ATE1: variants seen among roughly 807,000 people sequenced by gnomAD.
The protein encoded by ATE1 is arginyltransferase 1, also known as arginyl-tRNA--protein transferase 1.
In ATE1, 36 loss-of-function variants were observed where a neutral mutation model predicts 70.5. That is an observed-to-expected ratio of 0.51 (90% CI 0.39 to 0.67). ATE1 has a LOEUF of 0.67. Ranked by LOEUF, ATE1 falls within the 30% of genes least tolerant of loss-of-function variation. ATE1 has a pLI of 0.00. For synonymous variants in ATE1, 232 were observed against 219.3 expected (o/e 1.06, Z -0.51); for missense variants, 593 against 629.5 (o/e 0.94, Z 0.62).
At chr10:121,761,598 A>G (rs1229534584) in intron 11 of ATE1, among the ~76,000 whole-genome samples, 5 of 152,160 alleles carry the variant, frequency 3.3e-5, no homozygotes. Context: ...AGCAGAACAC[A>G]TAATATCTCT....
chr10:121,920,238 C>T (rs1319459075), intron 3 of ATE1, among the ~76,000 whole-genome samples: 3 of 152,008 alleles, frequency 2.0e-5, no homozygotes, highest in Non-Finnish European at 4.4e-5. Flanking sequence ...ATAATCCCAG[C>T]ACTTTGGGAG....
At chr10:121,747,817 T>G (rs187443117) in intron 11 of ATE1, among the ~76,000 whole-genome samples, 1 of 152,356 alleles carries the variant, frequency 6.6e-6, no homozygotes, top group East Asian at 1.9e-4. Context: ...ATGTTTAACA[T>G]GTCCTAGGTT....
intron 11 of ATE1, among the ~76,000 whole-genome samples, chr10:121,750,735 A>G (rs1944546250): frequency 6.6e-6 from 1 of 152,250 alleles, no homozygotes; most frequent in Admixed American, 6.5e-5. Context: ...ATTTACTGCT[A>G]CATACAGCAT....
At chr10:121,764,289 A>G (rs1398374394) in intron 11 of ATE1, among the ~76,000 whole-genome samples, 1 of 152,142 alleles carries the variant, frequency 6.6e-6, no homozygotes, top group African/African-American at 2.4e-5. Flanking sequence ...AGAATGTTCT[A>G]CACTACACCT....
chr10:121,860,129 G>A (rs943097896), intron 8 of ATE1, among the ~76,000 whole-genome samples: 3 of 152,120 alleles, frequency 2.0e-5, no homozygotes, highest in African/African-American at 4.8e-5. Context: ...ATGAGAAAAC[G>A]CTATAATACG....
At chr10:121,899,240 G>C (rs1950889939) in intron 7 of ATE1, among the ~76,000 whole-genome samples, 1 of 151,872 alleles carries the variant, frequency 6.6e-6, no homozygotes, top group Non-Finnish European at 1.5e-5. Context: ...GCATAAACTA[G>C]AGTCAATATT....
chr10:121,922,257 G>A, intron 3 of ATE1, 92 bp downstream of exon 3: 2 of 868,450 alleles, frequency 2.3e-6, no homozygotes, highest in Non-Finnish European at 3.7e-6. Context: ...ACCTAGAGCG[G>A]AAATAAACAT....
rs1211875150 is a variant in ATE1, at chr10:121,927,702, G to C, written c.106+142C>G. 6 of 1,326,194 alleles carry C rather than the reference G, an allele frequency of 4.5e-6. No homozygotes were observed. In the East Asian group the frequency reaches 1.9e-4, roughly 42 times the overall value. The allele number at this position is 1,326,194 out of a possible 1,614,324, so 82.2% of individuals were successfully genotyped here. A position where few individuals can be genotyped will look rare whatever the true frequency, so the allele number is the denominator to read the frequency against. On this transcript the variant is annotated intron_variant, in intron 1 of 11. Transcript: ENST00000224652. Reference sequence around the variant, plus strand: ...AGCTGCCCCGCTAAGCCGGCGCCGCGGCCCTCCCGAGAGTGCCCCCTCCGT... The same window carrying C: ...AGCTGCCCCGCTAAGCCGGCGCCGCCGCCCTCCCGAGAGTGCCCCCTCCGT...
At chr10:121,857,214 C>T (rs1252103417) in intron 8 of ATE1, among the ~76,000 whole-genome samples, 1 of 152,074 alleles carries the variant, frequency 6.6e-6, no homozygotes, top group East Asian at 1.9e-4. Flanking sequence ...GTCCCAACAC[C>T]CAGGTAGTTA....
chr10:121,811,694 A>G (rs1180030374), intron 10 of ATE1, among the ~76,000 whole-genome samples: 1 of 152,190 alleles, frequency 6.6e-6, no homozygotes, highest in African/African-American at 2.4e-5. Context: ...ACTGACCCTA[A>G]AAAAGAATTC....
At position 121,927,876 on chromosome 10, in the gene ATE1, T is replaced by G; in HGVS notation, c.74A>C (p.Tyr25Ser). ...GCGGCTGCCCGACTCGTTCTTGCAG[T>G]AGCCGCAGCGGTAGAAGTCCTCGCT... Reference protein sequence around the residue: ...FPSEDFYRCGYCKNESGSRSN... With the variant: ...FPSEDFYRCGSCKNESGSRSN... The change falls in exon 1 of 12, where the codon TAC (tyrosine) becomes TCC (serine). Residue 25 changes from tyrosine to serine, a missense_variant. Tyr to Ser is a moderately radical substitution (Grantham distance 144). Around this residue, in one of 3 missense-constraint regions of ATE1, gnomAD observed 467 missense variants for 469.6 expected, o/e 0.99. Coordinates refer to ENST00000224652, the MANE Select transcript of ATE1 (RefSeq NM_001001976.3). The G allele has an allele frequency of 6.3e-7, 1 of 1,587,344 alleles. No individual in the cohort carries two copies.
At chr10:121,798,642 G>GT (rs1216757419) in intron 10 of ATE1, among the ~76,000 whole-genome samples, 4 of 152,346 alleles carry the variant, frequency 2.6e-5, no homozygotes, top group Admixed American at 6.5e-5. Context: ...GCTCACGCCT[G>GT]TAATCCCAGC....
intron 11 of ATE1, among the ~76,000 whole-genome samples, chr10:121,777,241 C>G (rs554229672): frequency 4.3e-4 from 66 of 152,320 alleles, no homozygotes; most frequent in African/African-American, 1.6e-3. Context: ...AGCGTTCATG[C>G]TCCAGTTACC....
chr10:121,828,243 G>A (rs1948103456), intron 10 of ATE1, among the ~76,000 whole-genome samples: 1 of 152,196 alleles, frequency 6.6e-6, no homozygotes, highest in Admixed American at 6.5e-5. Context: ...ACATGAGTGT[G>A]CACAGCAAAA....
chr10:121,797,374 TG>T (rs1447319347), intron 10 of ATE1, among the ~76,000 whole-genome samples: 1 of 152,176 alleles, frequency 6.6e-6, no homozygotes, highest in Non-Finnish European at 1.5e-5. Flanking sequence ...CCTTTTAAAT[TG>T]TACAATTCAG....
At chr10:121,926,776 G>A (rs1035328890) in intron 1 of ATE1, 1 of 985,278 alleles carries the variant, frequency 1.0e-6, no homozygotes, top group Non-Finnish European at 1.2e-6. Flanking sequence ...CTTCCTTTCA[G>A]AACTGTAATC....
At chr10:121,776,757 T>C (rs1034019149) in intron 11 of ATE1, among the ~76,000 whole-genome samples, 2 of 152,290 alleles carry the variant, frequency 1.3e-5, no homozygotes, top group African/African-American at 2.4e-5. Context: ...TGTGCACAGA[T>C]ACATGAAAGT....
chr10:121,879,362 C>T (rs1236336769), intron 7 of ATE1, among the ~76,000 whole-genome samples: 1 of 152,168 alleles, frequency 6.6e-6, no homozygotes, highest in Non-Finnish European at 1.5e-5. Context: ...TTCCACCACG[C>T]TGTCCCTCAC....
At chr10:121,909,250 C>A (rs927972698) in intron 5 of ATE1, among the ~76,000 whole-genome samples, 1 of 152,170 alleles carries the variant, frequency 6.6e-6, no homozygotes, top group Non-Finnish European at 1.5e-5. Flanking sequence ...CGGTCTCCCA[C>A]AGTGCTGGGA....
Sources: gnomAD v4.1 joint callset for allele counts (sites outside exome capture counted in the v4.1 genomes callset) on GRCh38, gnomAD v4.1.1 for gene constraint, gnomAD v4.1.1 regional missense constraint, MANE v1.5 for transcripts, NCBI Gene and HGNC (gene_info 2026-07-23, HGNC 2026-07-21) for gene names.